The following CDKL5 variants were observed in gnomAD, a reference collection of about 807,000 sequenced individuals.
CDKL5 encodes cyclin-dependent kinase-like 5.
Under a neutral mutation model 61.7 loss-of-function variants are expected in CDKL5, and 8 were observed. The observed-to-expected ratio is 0.13, with a 90% confidence interval of 0.08 to 0.23. CDKL5 has a LOEUF of 0.23. CDKL5 is among the 10% of genes least tolerant of loss of function. The pLI is 1.00. For synonymous variants in CDKL5, 275 were observed against 272.3 expected (o/e 1.01, Z -0.10); for missense variants, 440 against 734.5 (o/e 0.60, Z 4.63).
intron 1 of CDKL5, among the ~76,000 whole-genome samples, chrX:18,448,769 C>T (rs1464698935): frequency 8.9e-6 from 1 of 112,222 alleles, no homozygotes; most frequent in Non-Finnish European, 1.9e-5. Flanking sequence ...TTCCTCAGTC[C>T]CTACTTCCTC....
chrX:18,484,328 TG>T (rs199715893), intron 1 of CDKL5, among the ~76,000 whole-genome samples: 8 of 108,372 alleles, frequency 7.4e-5, no homozygotes, highest in Non-Finnish European at 1.2e-4. Context: ...TCTTTTTTTT[TG>T]GGGGGGGGAC....
At chrX:18,649,575 T>C (rs1455253456) in intron 20 of CDKL5, among the ~76,000 whole-genome samples, 2 of 111,655 alleles carry the variant, frequency 1.8e-5, no homozygotes. Context: ...CTGATCTCAC[T>C]AGTATCTGCA....
Position 18,632,800 on chromosome X carries a change from C to G in CDKL5, c.*4043C>G, listed in dbSNP as rs143693808. On this transcript the variant is annotated 3_prime_UTR_variant, in exon 18 of 18. Coordinates refer to ENST00000623535, the MANE Select transcript of CDKL5 (RefSeq NM_001323289.2). ...GTGGACTATACTAGGAAATGCTATC[C>G]CATTTTCCCTTTCCAGCCCCTCTTA... The G allele has an allele frequency of 1.3e-6, 1 of 750,136 alleles. No individual in the cohort carries two copies. Among genetic ancestry groups the G allele is most frequent in the East Asian group, 1.5e-4 (1 of 6,601 alleles). The allele number at this position is 750,136 out of a possible 1,213,427, so 61.8% of individuals were successfully genotyped here. A position where few individuals can be genotyped will look rare whatever the true frequency, so the allele number is the denominator to read the frequency against.
intron 1 of CDKL5, among the ~76,000 whole-genome samples, chrX:18,448,869 T>A: frequency 8.9e-6 from 1 of 112,210 alleles, no homozygotes; most frequent in East Asian, 2.8e-4. Context: ...TATTTATTTA[T>A]TTTTGAGACG....
In CDKL5 at chrX:18,631,994, T is replaced by C. The variant is rs1019955929; in HGVS notation, c.*3237T>C. The C allele has an allele frequency of 1.8e-6, 1 of 561,048 alleles. No homozygotes were observed. Among genetic ancestry groups the C allele is most frequent in the Non-Finnish European group, 2.2e-6 (1 of 464,503 alleles). The allele number at this position is 561,048 out of a possible 1,213,427, so 46.2% of individuals were successfully genotyped here. ...GTGATGGTATGCTACTGGCATCAAG[T>C]GGTTAGAGGCCACAGATGCTACTAA... On this transcript the variant is annotated 3_prime_UTR_variant, in exon 18 of 18. Coordinates refer to ENST00000623535, the MANE Select transcript of CDKL5 (RefSeq NM_001323289.2).
At chrX:18,468,069 T>TA (rs1300503119) in intron 1 of CDKL5, among the ~76,000 whole-genome samples, 97 of 112,034 alleles carry the variant, frequency 8.7e-4, no homozygotes, top group African/African-American at 3.1e-3. Flanking sequence ...TCCTGTAGAT[T>TA]AAAAAATTTT....
intron 1 of CDKL5, among the ~76,000 whole-genome samples, chrX:18,486,717 C>T (rs970135144): frequency 1.8e-5 from 2 of 111,797 alleles, no homozygotes; most frequent in African/African-American, 6.5e-5. Flanking sequence ...TAAAGAGTAG[C>T]AAATTTATGA....
chrX:18,471,146 C>CT (rs756640495), intron 1 of CDKL5, among the ~76,000 whole-genome samples: 21 of 108,999 alleles, frequency 1.9e-4, no homozygotes, highest in Non-Finnish European at 3.8e-4. Flanking sequence ...CATCTCAAGT[C>CT]TTTTTTTTTA....
chrX:18,451,831 T>C (rs1308413408), intron 1 of CDKL5, among the ~76,000 whole-genome samples: 2 of 112,227 alleles, frequency 1.8e-5, no homozygotes, highest in East Asian at 5.6e-4. Flanking sequence ...TGAGCCACCA[T>C]GCCCGGCCCC....
intron 1 of CDKL5, chrX:18,443,952 C>T (rs928638352): frequency 3.6e-5 from 4 of 111,578 alleles, no homozygotes; most frequent in African/African-American, 1.3e-4. Context: ...GTTGTAATTT[C>T]GTTGTAGGTA....
intron 3 of CDKL5, among the ~76,000 whole-genome samples, chrX:18,529,883 G>A (rs1466863359): frequency 1.8e-5 from 2 of 109,881 alleles, no homozygotes; most frequent in Non-Finnish European, 1.9e-5. Flanking sequence ...TGGATATGCA[G>A]TTTGGCACCC....
At chrX:18,653,258 T>C (rs1482634177) in intron 21 of CDKL5, among the ~76,000 whole-genome samples, 2 of 111,932 alleles carry the variant, frequency 1.8e-5, no homozygotes, top group African/African-American at 6.5e-5. Flanking sequence ...TAATCTTGGC[T>C]CAACGGTGGA....
Position 18,461,246 on chromosome X carries a change from C to G in CDKL5, c.-163+35551C>G, listed in dbSNP as rs866969077. On this transcript the variant is annotated intron_variant, in intron 1 of 17. Coordinates refer to ENST00000623535, the MANE Select transcript of CDKL5 (RefSeq NM_001323289.2). ...CTAGGAAGGAGGGAAGTTGCTGGGC[C>G]ACAGCATGGCCAGTTTTCTAAAACA... 2.7e-5 allele frequency among the ~76,000 whole-genome samples: 3 copies of G among 112,024 alleles called. No homozygotes were observed. The South Asian group carries it at 1.1e-3, about 41-fold the overall frequency.
chrX:18,533,994 A>G (rs1602245628), intron 3 of CDKL5, among the ~76,000 whole-genome samples: 1 of 111,652 alleles, frequency 9.0e-6, no homozygotes, highest in East Asian at 2.8e-4. Context: ...TCACAGTGTA[A>G]TCTCACTTTC....
intron 3 of CDKL5, among the ~76,000 whole-genome samples, chrX:18,553,112 T>C (rs142020163): frequency 1.3e-3 from 143 of 110,348 alleles, no homozygotes; most frequent in African/African-American, 4.5e-3. Flanking sequence ...TTGAAAACAA[T>C]GTAGGAGGCA....
At chrX:18,513,033 CAT>C (rs1295866121) in intron 3 of CDKL5, among the ~76,000 whole-genome samples, 1 of 111,359 alleles carries the variant, frequency 9.0e-6, no homozygotes, top group Non-Finnish European at 1.9e-5. Context: ...TGTACATACA[CAT>C]ATGCATACAT....
At chrX:18,625,103 A>AGAAGCCT in intron 16 of CDKL5, 25 bp from the exon 17 acceptor site, 1 of 1,199,596 alleles carries the variant, frequency 8.3e-7, no homozygotes, top group Admixed American at 2.2e-5. Context: ...GTGCTTATTG[A>AGAAGCCT]ATGCTTGTCC....
Position 18,601,272 on chromosome X carries a change from G to A in CDKL5, c.978-2630G>A, listed in dbSNP as rs762719412. 4.5e-5 allele frequency among the ~76,000 whole-genome samples: 5 copies of A among 112,082 alleles called. No homozygotes were observed. The South Asian group carries it at 1.9e-3, about 42-fold the overall frequency. On this transcript the variant is annotated intron_variant, in intron 11 of 17. Transcript: ENST00000623535. ...ATGGACACGGTGCAATGGTGCATCA[G>A]CTGCCCCATACTGCCACTCTCCTGG...
In CDKL5 at chrX:18,609,271, G is replaced by C. The variant is rs778531483; in HGVS notation, c.2047-194G>C. Among the ~76,000 whole-genome samples the C allele has an allele frequency of 3.6e-5, 4 of 110,955 alleles. No individual in the cohort carries two copies. The South Asian group carries it at 1.2e-3, about 32-fold the overall frequency. On this transcript the variant is annotated intron_variant, in intron 13 of 17. Transcript: ENST00000623535. ...TAGCTGGGTGTAGCAGCGTGTGCCT[G>C]TAGTCCCAGCTACTCGGGAGGCTGA...
Sources: allele counts gnomAD v4.1 joint callset (sites outside exome capture counted in the v4.1 genomes callset), GRCh38; gene constraint gnomAD v4.1.1; transcripts MANE v1.5; gene names NCBI Gene and HGNC (gene_info 2026-07-23, HGNC 2026-07-21).